FHIT: variants seen among roughly 807,000 people sequenced by gnomAD.
FHIT encodes fragile histidine triad diadenosine triphosphatase.
In FHIT, 19 loss-of-function variants were observed where a neutral mutation model predicts 17.9. The observed-to-expected ratio is 1.06, with a 90% CI of 0.74 to 1.56. The LOEUF (loss-of-function observed/expected upper bound fraction) is 1.56, where lower values mean the gene tolerates loss of function less well. Ranked by LOEUF, FHIT falls within the 40% of genes most tolerant of loss-of-function variation. The pLI is 0.00. For synonymous variants in FHIT, 81 were observed against 69.7 expected, an observed-to-expected ratio of 1.16 and a Z score of -0.81; for missense variants, 248 against 189.2, an observed-to-expected ratio of 1.31 and a Z score of -1.82.
At chr3:60,827,063 T>A (rs1702151002) in intron 3 of FHIT, among the ~76,000 whole-genome samples, 1 of 152,178 alleles carries the variant, frequency 6.6e-6, no homozygotes. Context: ...TTTTTGCTGC[T>A]AATAACTGCA....
intron 2 of FHIT, among the ~76,000 whole-genome samples, chr3:61,098,886 T>A (rs2106840782): frequency 6.6e-6 from 1 of 152,136 alleles, no homozygotes. Context: ...TAAGATTATG[T>A]CACCTGCATT....
At chr3:60,387,235 C>G (rs1295160220) in intron 5 of FHIT, among the ~76,000 whole-genome samples, 3 of 152,076 alleles carry the variant, frequency 2.0e-5, no homozygotes, top group Non-Finnish European at 4.4e-5. Flanking sequence ...AAGTGATCCA[C>G]CCACCTTGGC....
At chr3:60,003,517 G>T (rs367809678) in intron 7 of FHIT, among the ~76,000 whole-genome samples, 6 of 152,256 alleles carry the variant, frequency 3.9e-5, no homozygotes, top group African/African-American at 1.4e-4. Context: ...GGCCAAGGCA[G>T]GAGGATCACT....
chr3:60,878,160 C>T (rs1704758097), intron 3 of FHIT, among the ~76,000 whole-genome samples: 2 of 152,086 alleles, frequency 1.3e-5, no homozygotes, highest in Non-Finnish European at 2.9e-5. Context: ...CAACCTGACC[C>T]ACTGAATCAA....
rs146805446 is a variant in FHIT at position 60,228,838 on chromosome 3, G to A, written c.104-214686C>T. Among the ~76,000 whole-genome samples, 118 of 152,274 alleles carry A rather than the reference G, an allele frequency of 7.7e-4. No homozygotes were observed. In the Middle Eastern group the frequency reaches 0.01, roughly 13 times the overall value. On this transcript the variant is annotated intron_variant, in intron 5 of 9. Transcript: ENST00000492590. ...AATGAAGGGGACTGGTTCCCTACATGAGCATCCCATAAATTTTCCTATTCT... is the reference window on the plus strand; with the variant it reads ...AATGAAGGGGACTGGTTCCCTACATAAGCATCCCATAAATTTTCCTATTCT...
intron 3 of FHIT, among the ~76,000 whole-genome samples, chr3:61,020,225 C>T (rs2032340111): frequency 6.6e-6 from 1 of 152,170 alleles, no homozygotes; most frequent in African/African-American, 2.4e-5. Flanking sequence ...TTAATGATCG[C>T]CATTCTAACT....
chr3:60,930,607 T>G (rs1405154927), intron 3 of FHIT, among the ~76,000 whole-genome samples: 1 of 152,002 alleles, frequency 6.6e-6, no homozygotes, highest in African/African-American at 2.4e-5. Flanking sequence ...AAAAGACACA[T>G]GAAAAAATGC....
chr3:59,952,870 G>C (rs919638341), intron 7 of FHIT, among the ~76,000 whole-genome samples: 1 of 152,112 alleles, frequency 6.6e-6, no homozygotes, highest in Non-Finnish European at 1.5e-5. Flanking sequence ...GTGGACAGCT[G>C]TGTGGGACGG....
At chr3:60,932,063 C>G (rs1233405377) in intron 3 of FHIT, among the ~76,000 whole-genome samples, 21 of 152,162 alleles carry the variant, frequency 1.4e-4, no homozygotes, top group African/African-American at 4.6e-4. Context: ...TACTTTCCCT[C>G]TTGATGAACT....
Position 60,529,894 on chromosome 3 carries a change from C to G in FHIT, c.103+6966G>C, listed in dbSNP as rs546386216. Among the ~76,000 whole-genome samples, 16 of 152,310 alleles carry G rather than the reference C, an allele frequency of 1.1e-4. 1 individual carries two copies. In the South Asian group the frequency reaches 1.2e-3, roughly 12 times the overall value. On this transcript the variant is annotated intron_variant, in intron 5 of 9. Transcript: ENST00000492590. ...CCTAATATCCCTCTCCCCCAGCATA[C>G]ATACACATTAACAGAATTACATTCT...
At chr3:60,329,248 C>G (rs749775665) in intron 5 of FHIT, among the ~76,000 whole-genome samples, 1 of 151,804 alleles carries the variant, frequency 6.6e-6, no homozygotes, top group East Asian at 1.9e-4. Context: ...TAACATTTAT[C>G]GAAGCTTTTG....
chr3:60,688,407 T>C (rs1293237993), intron 4 of FHIT, among the ~76,000 whole-genome samples: 1 of 151,652 alleles, frequency 6.6e-6, no homozygotes, highest in Admixed American at 6.6e-5. Context: ...ATAGACTATT[T>C]GGTCAAATTA....
chr3:60,041,302 G>T, intron 5 of FHIT, among the ~76,000 whole-genome samples: 1 of 152,246 alleles, frequency 6.6e-6, no homozygotes, highest in African/African-American at 2.4e-5. Context: ...TGACCTTTGA[G>T]GAGAGGAAAC....
intron 5 of FHIT, among the ~76,000 whole-genome samples, chr3:60,245,821 G>C (rs17062603): frequency 0.44 from 66,319 of 151,562 alleles, 15,332 homozygotes; most frequent in African/African-American, 0.59. Context: ...ACTATGGTAA[G>C]CATACAGTGA....
At chr3:60,779,656 T>G (rs1700317842) in intron 4 of FHIT, among the ~76,000 whole-genome samples, 1 of 152,068 alleles carries the variant, frequency 6.6e-6, no homozygotes, top group South Asian at 2.1e-4. Flanking sequence ...TGTCTTATGA[T>G]AAGGAGGCCA....
At chr3:61,160,073 C>T (rs1281917339) in intron 2 of FHIT, among the ~76,000 whole-genome samples, 2 of 152,202 alleles carry the variant, frequency 1.3e-5, no homozygotes, top group African/African-American at 4.8e-5. Context: ...CAGTTTATTA[C>T]AATCACCAGG....
chr3:60,451,142 G>C (rs975028234), intron 5 of FHIT, among the ~76,000 whole-genome samples: 1 of 148,338 alleles, frequency 6.7e-6, no homozygotes, highest in African/African-American at 2.5e-5. Flanking sequence ...CTTACTACTT[G>C]AAAAAATATT....
intron 5 of FHIT, among the ~76,000 whole-genome samples, chr3:60,272,129 G>T (rs1186192959): frequency 6.6e-6 from 1 of 152,162 alleles, no homozygotes; most frequent in Admixed American, 6.5e-5. Context: ...GCTTGCTGAT[G>T]GTCTAGCACA....
At chr3:60,296,360 T>C (rs997478887) in intron 5 of FHIT, among the ~76,000 whole-genome samples, 10 of 152,132 alleles carry the variant, frequency 6.6e-5, no homozygotes, top group Admixed American at 6.6e-4. Context: ...TGTCACCACT[T>C]GTCACTCTCA....
Sources: gnomAD v4.1 joint callset for allele counts (sites outside exome capture counted in the v4.1 genomes callset) on GRCh38, gnomAD v4.1.1 for gene constraint, MANE v1.5 for transcripts, NCBI Gene and HGNC (gene_info 2026-07-23, HGNC 2026-07-21) for gene names.